Variants in SLC6A2 observed in about 807,000 individuals in gnomAD.
SLC6A2 encodes sodium-dependent noradrenaline transporter.
SLC6A2 carries 26 observed loss-of-function variants against 71.7 expected under a neutral mutation model. The ratio of observed to expected loss-of-function variants is 0.36; its 90% confidence interval spans 0.27 to 0.50. SLC6A2 has a LOEUF of 0.50. Among genes scored for constraint, SLC6A2 ranks in the 20% least tolerant of loss-of-function variants. The pLI, the probability that SLC6A2 is intolerant of heterozygous loss-of-function variation, is 0.96. For missense variants in SLC6A2, 581 were observed against 803.9 expected (o/e 0.72, Z 3.35); for synonymous variants, 363 against 337.9 (o/e 1.07, Z -0.82).
At chr16:55,688,811 C>T (rs1965531484) in intron 5 of SLC6A2, among the ~76,000 whole-genome samples, 1 of 152,182 alleles carries the variant, frequency 6.6e-6, no homozygotes, top group Non-Finnish European at 1.5e-5. Flanking sequence ...AGCACCTCAC[C>T]ACCTTCCTGG....
Position 55,705,173 on chromosome 16 carries a change from A to G in SLC6A2, c.*2827A>G. ...GAGAACATCACATTTACGTCTACTC[A>G]ATGTCTAGTTATTTAGCACCCACCT... On this transcript the variant is annotated 3_prime_UTR_variant, in exon 15 of 15. Coordinates refer to ENST00000568943, the MANE Select transcript of SLC6A2 (RefSeq NM_001172501.3). 7.3e-7 allele frequency: 1 copy of G among 1,362,376 alleles called. No homozygotes were observed. The highest frequency in any genetic ancestry group is 1.0e-6 in the Non-Finnish European group (1 of 988,274). The allele number at this position is 1,362,376 out of a possible 1,614,324, so 84.4% of individuals were successfully genotyped here.
At position 55,656,798 on chromosome 16, in the gene SLC6A2, T is replaced by A; in HGVS notation, c.104T>A (p.Val35Glu). The A allele has an allele frequency of 6.2e-7, 1 of 1,613,144 alleles. No homozygotes were observed. The highest frequency in any genetic ancestry group is 8.5e-7 in the Non-Finnish European group (1 of 1,179,710). ...GCGCGCAAAACTGCGGAGCTGCTGG[T>A]GGTGAAGGAGCGCAACGGCGTCCAG... ...LRARKTAELL[V>E]VKERNGVQCL... The change falls in exon 2 of 15, where the codon GTG (valine) becomes GAG (glutamate). Residue 35 changes from valine (V) to glutamate (E), a missense_variant. Val to Glu is a moderately radical substitution (Grantham distance 121, BLOSUM62 -2). This residue lies in a region of SLC6A2 where 76 missense variants were observed against 79.9 expected (regional missense o/e 0.95). Transcript: ENST00000568943. This position sits in a 1 kb window ranked among gnomAD's most constrained non-coding sequence, Gnocchi z 4.5.
At chr16:55,686,453 C>A (rs1195160651) in intron 5 of SLC6A2, among the ~76,000 whole-genome samples, 1 of 152,064 alleles carries the variant, frequency 6.6e-6, no homozygotes, top group Non-Finnish European at 1.5e-5. Context: ...GTCCCAGTGG[C>A]CAAAACAAGT....
intron 4 of SLC6A2, among the ~76,000 whole-genome samples, chr16:55,680,435 A>C (rs1357077813): frequency 6.6e-6 from 1 of 152,200 alleles, no homozygotes. Context: ...CCAAGTCCCA[A>C]AGCTGAAGAA....
intron 3 of SLC6A2, among the ~76,000 whole-genome samples, chr16:55,670,858 GAGTGGGGAGT>G (rs1372604492): frequency 6.6e-6 from 1 of 152,234 alleles, no homozygotes; most frequent in Non-Finnish European, 1.5e-5. Context: ...GATGGAGGAA[GAGTGGGGAGT>G]AGCCTCGCCA....
chr16:55,692,064 G>A lies in SLC6A2; in HGVS notation c.918+12G>A, dbSNP rs1567452109. 6.2e-7 allele frequency: 1 copy of A among 1,614,088 alleles called. No individual in the cohort carries two copies. The highest frequency in any genetic ancestry group is 8.5e-7 in the Non-Finnish European group (1 of 1,179,946). ...TGAAAGAGGCCACGGTCAGTGCTCA[G>A]TGACCACCAAGCCTTGGGCCAGGCT... On this transcript the variant is annotated intron_variant, in intron 6 of 14. Transcript: ENST00000568943.
chr16:55,672,480 T>A (rs562073204), intron 4 of SLC6A2, among the ~76,000 whole-genome samples: 2 of 152,262 alleles, frequency 1.3e-5, no homozygotes, highest in Admixed American at 1.3e-4. Context: ...TTCTGGGGTA[T>A]GTAACTGCTC....
intron 4 of SLC6A2, among the ~76,000 whole-genome samples, chr16:55,684,891 A>G (rs941150739): frequency 1.3e-5 from 2 of 152,218 alleles, no homozygotes; most frequent in Admixed American, 6.5e-5. Flanking sequence ...TTGTCTTTTA[A>G]AAGCAGCCAT....
At chr16:55,659,819 T>G (rs1191269099) in intron 2 of SLC6A2, among the ~76,000 whole-genome samples, 1 of 152,120 alleles carries the variant, frequency 6.6e-6, no homozygotes, top group African/African-American at 2.4e-5. Context: ...TGTGGAGTCC[T>G]GGGTTCCAGT....
At chr16:55,700,345 G>A (rs1348068948) in intron 13 of SLC6A2, 39 bp downstream of exon 13, 2 of 1,564,042 alleles carry the variant, frequency 1.3e-6, no homozygotes, top group Non-Finnish European at 1.8e-6. Flanking sequence ...GGGTGGGAGG[G>A]GGCTGAGGGG....
intron 4 of SLC6A2, among the ~76,000 whole-genome samples, chr16:55,677,965 G>A (rs1400558602): frequency 6.6e-6 from 1 of 152,094 alleles, no homozygotes; most frequent in Admixed American, 6.6e-5. Flanking sequence ...CCGGCCTACA[G>A]GGCTTATTTT....
intron 2 of SLC6A2, among the ~76,000 whole-genome samples, chr16:55,665,019 C>T (rs530279376): frequency 4.4e-4 from 67 of 152,216 alleles, no homozygotes; most frequent in Middle Eastern, 6.8e-3. Context: ...GGCTGTGCTG[C>T]GGGAGGTGGG....
chr16:55,662,590 A>G (rs1596948435), intron 2 of SLC6A2, among the ~76,000 whole-genome samples: 1 of 152,278 alleles, frequency 6.6e-6, no homozygotes, highest in East Asian at 1.9e-4. Context: ...GTTTCTCTTA[A>G]AGAGACTAAG....
chr16:55,677,317 C>T (rs577352301), intron 4 of SLC6A2, among the ~76,000 whole-genome samples: 1 of 152,242 alleles, frequency 6.6e-6, no homozygotes, highest in African/African-American at 2.4e-5. Context: ...TGATTGGTTG[C>T]ACCCTCTCCC....
chr16:55,670,655 CTTAAATTTTACCAAGT>C (rs1186801774), intron 3 of SLC6A2, among the ~76,000 whole-genome samples: 1 of 152,150 alleles, frequency 6.6e-6, no homozygotes, highest in Non-Finnish European at 1.5e-5. Flanking sequence ...CAACCCCGGG[CTTAAATTTTACCAAGT>C]TTAAATTTTA....
chr16:55,677,958 G>T (rs564007099), intron 4 of SLC6A2, among the ~76,000 whole-genome samples: 58 of 152,250 alleles, frequency 3.8e-4, no homozygotes, highest in African/African-American at 1.2e-3. Flanking sequence ...ACCTCACCCG[G>T]CCTACAGGGC....
intron 5 of SLC6A2, among the ~76,000 whole-genome samples, chr16:55,691,208 G>T (rs1405030482): frequency 7.7e-6 from 1 of 129,272 alleles, no homozygotes; most frequent in Non-Finnish European, 1.6e-5. Flanking sequence ...GAGAGAAAAA[G>T]AGAGGGGGGG....
At chr16:55,686,482 G>A (rs561441906) in intron 5 of SLC6A2, among the ~76,000 whole-genome samples, 10 of 152,258 alleles carry the variant, frequency 6.6e-5, no homozygotes, top group East Asian at 1.9e-4. Context: ...AAAACCCACC[G>A]TCCATATGGG....
intron 2 of SLC6A2, among the ~76,000 whole-genome samples, chr16:55,661,417 G>A (rs995837127): frequency 1.1e-4 from 16 of 152,196 alleles, no homozygotes; most frequent in African/African-American, 3.4e-4. Flanking sequence ...AATAACCACA[G>A]CACCTTCTTG....
Sources: allele counts gnomAD v4.1 joint callset (sites outside exome capture counted in the v4.1 genomes callset), GRCh38; gene constraint gnomAD v4.1.1; regional missense constraint gnomAD v4.1.1; non-coding constraint Gnocchi (gnomAD v3.1); transcripts MANE v1.5; gene names NCBI Gene and HGNC (gene_info 2026-07-23, HGNC 2026-07-21).